The following CAMKMT variants were observed in gnomAD, a reference collection of about 807,000 sequenced individuals.
CAMKMT encodes CaM KMT.
Under a neutral mutation model 48.0 loss-of-function variants are expected in CAMKMT, and 53 were observed. The observed-to-expected ratio is 1.10, with a 90% CI of 0.89 to 1.39. The LOEUF (loss-of-function observed/expected upper bound fraction) is 1.39. CAMKMT is among the 40% of genes most tolerant of loss of function. CAMKMT has a pLI of 0.00. For missense variants in CAMKMT, 428 were observed against 402.7 expected (o/e 1.06, Z -0.54); for synonymous variants, 165 against 152.3 (o/e 1.08, Z -0.61).
At chr2:44,664,277 T>TGCC (rs949259680) in intron 3 of CAMKMT, among the ~76,000 whole-genome samples, 2 of 152,250 alleles carry the variant, frequency 1.3e-5, no homozygotes, top group Admixed American at 6.5e-5. Context: ...AGGCTAATGA[T>TGCC]GCCTTATAGG....
At chr2:44,522,120 C>T (rs1050795924) in intron 3 of CAMKMT, among the ~76,000 whole-genome samples, 1 of 151,942 alleles carries the variant, frequency 6.6e-6, no homozygotes, top group Non-Finnish European at 1.5e-5. Context: ...TCTCCTGCCT[C>T]AGCCTGCCGA....
At chr2:44,675,433 G>T (rs180746605) in intron 3 of CAMKMT, among the ~76,000 whole-genome samples, 213 of 151,996 alleles carry the variant, frequency 1.4e-3, no homozygotes, top group African/African-American at 5.0e-3. Flanking sequence ...TTACCTTCTG[G>T]TTTTCTTCTT....
intron 3 of CAMKMT, among the ~76,000 whole-genome samples, chr2:44,465,568 C>CAAAAA (rs56885024): frequency 7.5e-6 from 1 of 133,390 alleles, no homozygotes; most frequent in Admixed American, 7.5e-5. Flanking sequence ...TGTACTCTGT[C>CAAAAA]AAAAAAAAAA....
chr2:44,712,001 C>T (rs1677905341), intron 6 of CAMKMT, among the ~76,000 whole-genome samples: 2 of 152,066 alleles, frequency 1.3e-5, no homozygotes, highest in Admixed American at 1.3e-4. Context: ...CTTGCATTTC[C>T]TTACATGCTC....
chr2:44,383,188 A>G (rs1200099413), intron 2 of CAMKMT, among the ~76,000 whole-genome samples: 2 of 151,496 alleles, frequency 1.3e-5, no homozygotes, highest in Non-Finnish European at 2.9e-5. Flanking sequence ...TTTTTGAGGC[A>G]GAATCTCGCT....
intron 3 of CAMKMT, among the ~76,000 whole-genome samples, chr2:44,539,294 A>C (rs1666960496): frequency 6.6e-6 from 1 of 151,714 alleles, no homozygotes; most frequent in African/African-American, 2.4e-5. Context: ...AAAAAAAAAA[A>C]AAAAAAACCC....
intron 3 of CAMKMT, among the ~76,000 whole-genome samples, chr2:44,487,514 A>G (rs1363110747): frequency 6.6e-6 from 1 of 152,228 alleles, no homozygotes; most frequent in African/African-American, 2.4e-5. Flanking sequence ...TTTTTTAAAT[A>G]AAGTTTTGAC....
intron 3 of CAMKMT, among the ~76,000 whole-genome samples, chr2:44,571,878 C>G (rs1668925433): frequency 6.6e-6 from 1 of 152,136 alleles, no homozygotes. Context: ...AGAGCTTATA[C>G]TTGAGATGAT....
intron 3 of CAMKMT, among the ~76,000 whole-genome samples, chr2:44,395,324 G>A (rs1356630663): frequency 1.3e-5 from 2 of 151,990 alleles, no homozygotes; most frequent in African/African-American, 4.8e-5. Flanking sequence ...GTATACATAT[G>A]CATATATACA....
chr2:44,420,801 C>A (rs1385687300), intron 3 of CAMKMT, among the ~76,000 whole-genome samples: 4 of 151,648 alleles, frequency 2.6e-5, no homozygotes, highest in African/African-American at 9.7e-5. Context: ...TATTTCATAG[C>A]CTATATTCCA....
intron 3 of CAMKMT, among the ~76,000 whole-genome samples, chr2:44,575,016 A>G (rs1304625585): frequency 6.6e-6 from 1 of 152,008 alleles, no homozygotes; most frequent in African/African-American, 2.4e-5. Flanking sequence ...TTAGCCTCCC[A>G]AAGTGCTGGG....
chr2:44,409,297 TGGACTC>T (rs1431336982), intron 3 of CAMKMT, among the ~76,000 whole-genome samples: 3 of 151,930 alleles, frequency 2.0e-5, no homozygotes, highest in Non-Finnish European at 2.9e-5. Context: ...AGTTGACATT[TGGACTC>T]CTAGAGATAA....
chr2:44,601,424 C>A (rs987983723), intron 3 of CAMKMT, among the ~76,000 whole-genome samples: 1 of 151,888 alleles, frequency 6.6e-6, no homozygotes, highest in East Asian at 1.9e-4. Flanking sequence ...CCATTGCACT[C>A]CAGCCTGGGC....
At chr2:44,584,190 T>C (rs1379538666) in intron 3 of CAMKMT, among the ~76,000 whole-genome samples, 1 of 152,252 alleles carries the variant, frequency 6.6e-6, no homozygotes, top group Non-Finnish European at 1.5e-5. Flanking sequence ...TGTGTATCAC[T>C]GGTGTTTTCC....
chr2:44,663,977 A>G (rs1674821882), intron 3 of CAMKMT, among the ~76,000 whole-genome samples: 1 of 152,174 alleles, frequency 6.6e-6, no homozygotes, highest in Non-Finnish European at 1.5e-5. Flanking sequence ...ATAAGGAGTG[A>G]TGGGGGAGGT....
chr2:44,506,715 T>C (rs1218510908), intron 3 of CAMKMT, among the ~76,000 whole-genome samples: 2 of 152,200 alleles, frequency 1.3e-5, no homozygotes, highest in East Asian at 3.8e-4. Flanking sequence ...GTTCAAGAAA[T>C]CCATCTCCTT....
intron 3 of CAMKMT, among the ~76,000 whole-genome samples, chr2:44,395,480 G>C (rs1681748162): frequency 6.6e-6 from 1 of 152,048 alleles, no homozygotes; most frequent in African/African-American, 2.4e-5. Context: ...CAGTACAGTG[G>C]TTTGATTAAA....
At chr2:44,732,451 G>A (rs143331545) in intron 7 of CAMKMT, among the ~76,000 whole-genome samples, 64 of 152,354 alleles carry the variant, frequency 4.2e-4, no homozygotes, top group Admixed American at 3.0e-3. Context: ...ATGATTTGAT[G>A]TCTGGTAGAA....
intron 9 of CAMKMT, among the ~76,000 whole-genome samples, chr2:44,764,082 T>C (rs934932053): frequency 6.6e-6 from 1 of 152,186 alleles, no homozygotes; most frequent in Non-Finnish European, 1.5e-5. Flanking sequence ...CCATGTATTA[T>C]ATCTAGTTTC....
Sources: gnomAD v4.1 joint callset for allele counts (sites outside exome capture counted in the v4.1 genomes callset) on GRCh38, gnomAD v4.1.1 for gene constraint, MANE v1.5 for transcripts, NCBI Gene and HGNC (gene_info 2026-07-23, HGNC 2026-07-21) for gene names.